The following VAMP7 variants were observed in gnomAD, a reference collection of about 807,000 sequenced individuals.
VAMP7 encodes vesicle-associated membrane protein 7.
VAMP7 carries 14 observed loss-of-function variants against 29.6 expected under a neutral mutation model. The observed-to-expected ratio is 0.47, with a 90% CI of 0.31 to 0.74. The LOEUF (loss-of-function observed/expected upper bound fraction) is 0.74, where lower values mean the gene tolerates loss of function less well. VAMP7 is among the 30% of genes least tolerant of loss of function. VAMP7 has a pLI of 0.05. For missense variants in VAMP7, 223 were observed against 262.4 expected (o/e 0.85, Z 1.04); for synonymous variants, 95 against 88.1 (o/e 1.08, Z -0.44).
At chrX:155,938,585 C>T (rs1320660713) in intron 6 of VAMP7, among the ~76,000 whole-genome samples, 1 of 152,196 alleles carries the variant, frequency 6.6e-6, no homozygotes, top group Non-Finnish European at 1.5e-5. Context: ...CAGAAGCTCC[C>T]TTCTCCCTTC....
intron 5 of VAMP7, among the ~76,000 whole-genome samples, chrX:155,910,279 C>T (rs1330346823): frequency 2.0e-5 from 3 of 152,184 alleles, no homozygotes; most frequent in Non-Finnish European, 4.4e-5. Context: ...CTGTAAATGG[C>T]ATGACTTCAT....
intron 2 of VAMP7, among the ~76,000 whole-genome samples, chrX:155,895,365 A>G (rs2065973799): frequency 6.6e-6 from 1 of 152,188 alleles, no homozygotes; most frequent in Non-Finnish European, 1.5e-5. Context: ...ATGCTTTTGC[A>G]GCTATCGTTC....
intron 6 of VAMP7, among the ~76,000 whole-genome samples, chrX:155,920,861 A>C (rs2066385347): frequency 6.6e-6 from 1 of 152,208 alleles, no homozygotes; most frequent in African/African-American, 2.4e-5. Flanking sequence ...TATTAGCAGC[A>C]GGTTTTAGTA....
rs893665693 is a variant in VAMP7 at position 155,899,199 on chromosome X, G to GA, written c.342+961dup. ...GTCATATGGTAGGTGATGTGTAATTGAAAAAAAAAAATCACCACTTTTTTT... is the reference window on the plus strand; with the variant it reads ...GTCATATGGTAGGTGATGTGTAATTGAAAAAAAAAAAATCACCACTTTTTTT... On this transcript the variant is annotated intron_variant, in intron 4 of 7. Transcript: ENST00000286448. Among the ~76,000 whole-genome samples, 78 of 145,460 alleles carry GA rather than the reference G, an allele frequency of 5.4e-4. 1 individual carries two copies. Among genetic ancestry groups the GA allele is most frequent in the Non-Finnish European group, 4.6e-4 (30 of 65,796 alleles).
intron 5 of VAMP7, among the ~76,000 whole-genome samples, chrX:155,917,880 G>A (rs183384884): frequency 6.4e-4 from 98 of 152,272 alleles, no homozygotes; most frequent in Non-Finnish European, 1.1e-3. Flanking sequence ...AGGCAGGAAC[G>A]TTTAAGTCTG....
chrX:155,934,637 G>A (rs1279398286), intron 6 of VAMP7, among the ~76,000 whole-genome samples: 3 of 152,026 alleles, frequency 2.0e-5, no homozygotes, highest in African/African-American at 7.2e-5. Context: ...ACACTGATGG[G>A]TCTTTACTCT....
At chrX:155,936,402 G>T (rs2066656799) in intron 6 of VAMP7, among the ~76,000 whole-genome samples, 1 of 152,148 alleles carries the variant, frequency 6.6e-6, no homozygotes, top group South Asian at 2.1e-4. Flanking sequence ...GCAATGGCGG[G>T]CGCCTCTCCT....
At chrX:155,934,767 C>T (rs1042649919) in intron 6 of VAMP7, among the ~76,000 whole-genome samples, 7 of 152,026 alleles carry the variant, frequency 4.6e-5, no homozygotes, top group Admixed American at 3.3e-4. Context: ...TTATTTTGCT[C>T]GTTAGTTGAT....
chrX:155,903,951 A>T (rs1474469295), intron 5 of VAMP7, among the ~76,000 whole-genome samples: 1 of 152,022 alleles, frequency 6.6e-6, no homozygotes, highest in East Asian at 1.9e-4. Flanking sequence ...ACTTGGAACC[A>T]ACCCAAATGT....
intron 1 of VAMP7, among the ~76,000 whole-genome samples, chrX:155,884,031 ATTAC>A (rs2065837024): frequency 6.6e-6 from 1 of 151,676 alleles, no homozygotes; most frequent in Non-Finnish European, 1.5e-5. Context: ...ATCTTTGAGT[ATTAC>A]TTTCTCAGCC....
intron 1 of VAMP7, among the ~76,000 whole-genome samples, chrX:155,882,415 C>T (rs2065813505): frequency 6.6e-6 from 1 of 152,086 alleles, no homozygotes; most frequent in Non-Finnish European, 1.5e-5. Flanking sequence ...GGATCCTATC[C>T]TAAGAAAGTC....
chrX:155,909,321 A>G (rs2066199584), intron 5 of VAMP7, among the ~76,000 whole-genome samples: 1 of 152,008 alleles, frequency 6.6e-6, no homozygotes, highest in Admixed American at 6.6e-5. Flanking sequence ...TTTGGTGGTG[A>G]TGTCTCCTCT....
chrX:155,895,369 A>G (rs927507212), intron 2 of VAMP7, among the ~76,000 whole-genome samples: 4 of 152,158 alleles, frequency 2.6e-5, no homozygotes, highest in Admixed American at 1.3e-4. Context: ...TTTTGCAGCT[A>G]TCGTTCTAAT....
rs140990238 is a variant in VAMP7, at chrX:155,918,599, C to T, written c.434-1214C>T. ...CCCTTGTGCTTCCTGGATGAGGCAACGCCCCACCCTGCTTCGGCTCACCCT... is the reference window on the plus strand; with the variant it reads ...CCCTTGTGCTTCCTGGATGAGGCAATGCCCCACCCTGCTTCGGCTCACCCT... On this transcript the variant is annotated intron_variant, in intron 5 of 7. Transcript: ENST00000286448. 2.1e-3 allele frequency among the ~76,000 whole-genome samples: 316 copies of T among 152,222 alleles called. 9 individuals carry two copies. In the East Asian group the frequency reaches 0.046, roughly 22 times the overall value.
intron 2 of VAMP7, among the ~76,000 whole-genome samples, chrX:155,892,813 C>T (rs1484459820): frequency 5.3e-5 from 8 of 151,746 alleles, no homozygotes; most frequent in African/African-American, 1.2e-4. Flanking sequence ...AGTGCAATGG[C>T]GCAATCTCAG....
intron 1 of VAMP7, among the ~76,000 whole-genome samples, chrX:155,884,471 C>T (rs1486335231): frequency 6.6e-6 from 1 of 152,152 alleles, no homozygotes; most frequent in Admixed American, 6.5e-5. Context: ...AATTGTAAAT[C>T]ATTACTGCAA....
intron 5 of VAMP7, among the ~76,000 whole-genome samples, chrX:155,917,785 C>T (rs1260419230): frequency 3.3e-5 from 5 of 152,266 alleles, no homozygotes; most frequent in East Asian, 3.9e-4. Flanking sequence ...GCATGGAGCT[C>T]AGGGACCCAC....
At position 155,933,598 on chromosome X, in the gene VAMP7, C is replaced by T. The variant is rs1381646185; in HGVS notation, c.502-6103C>T. ...CGTCTATTTGATTCTTCTCTCTTTTCTTCTTTATTAGTCTTGCTAGCAGTC... is the reference window on the plus strand; with the variant it reads ...CGTCTATTTGATTCTTCTCTCTTTTTTTCTTTATTAGTCTTGCTAGCAGTC... On this transcript the variant is annotated intron_variant, in intron 6 of 7. Coordinates refer to ENST00000286448, the MANE Select transcript of VAMP7 (RefSeq NM_005638.6). 2.6e-5 allele frequency among the ~76,000 whole-genome samples: 4 copies of T among 152,092 alleles called. No homozygotes were observed. In the South Asian group the frequency reaches 8.3e-4, roughly 32 times the overall value.
chrX:155,932,572 G>A (rs1326612437), intron 6 of VAMP7, among the ~76,000 whole-genome samples: 1 of 152,142 alleles, frequency 6.6e-6, no homozygotes, highest in African/African-American at 2.4e-5. Flanking sequence ...TCAAGACTTT[G>A]CTGGAGTTGC....
Sources: allele counts gnomAD v4.1 joint callset (sites outside exome capture counted in the v4.1 genomes callset), GRCh38; gene constraint gnomAD v4.1.1; transcripts MANE v1.5; gene names NCBI Gene and HGNC (gene_info 2026-07-23, HGNC 2026-07-21).